Variants in BNC2 observed in about 807,000 individuals in gnomAD.
The protein encoded by BNC2 is zinc finger protein basonuclin-2.
A neutral mutation model predicts 76.3 loss-of-function variants in BNC2; 20 were observed. The observed-to-expected ratio is 0.26, with a 90% confidence interval of 0.18 to 0.38. BNC2 has a LOEUF of 0.38. Among genes scored for constraint, BNC2 ranks in the 10% least tolerant of loss-of-function variants. BNC2 has a pLI of 1.00. For missense variants in BNC2, 1,382 were observed against 1,399.8 expected (o/e 0.99, Z 0.20); for synonymous variants, 582 against 514.8 (o/e 1.13, Z -1.77).
At chr9:16,691,265 C>T (rs7860105) in intron 3 of BNC2, among the ~76,000 whole-genome samples, 139,722 of 152,184 alleles carry the variant, frequency 0.92, 64,226 homozygotes, top group Non-Finnish European at 0.95. Context: ...ACTCCTTTTA[C>T]TTCTAAATGA....
chr9:16,684,071 A>C (rs1279171363), intron 3 of BNC2, among the ~76,000 whole-genome samples: 1 of 152,108 alleles, frequency 6.6e-6, no homozygotes, highest in Non-Finnish European at 1.5e-5. Flanking sequence ...TAGTATGTCA[A>C]TGTACTCAAT....
At chr9:16,813,409 G>C (rs1171975370) in intron 1 of BNC2, among the ~76,000 whole-genome samples, 1 of 151,424 alleles carries the variant, frequency 6.6e-6, no homozygotes, top group Admixed American at 6.6e-5. Context: ...GGGACTACAG[G>C]CGCCCGCCAC....
chr9:16,669,826 TAAG>T (rs1438052670), intron 3 of BNC2, among the ~76,000 whole-genome samples: 1 of 152,164 alleles, frequency 6.6e-6, no homozygotes, highest in Non-Finnish European at 1.5e-5. Context: ...CATCCACTTA[TAAG>T]AAGCAAAAAC....
At chr9:16,775,665 G>T (rs1825945547) in intron 1 of BNC2, 1 of 207,722 alleles carries the variant, frequency 4.8e-6, no homozygotes. Flanking sequence ...AGCCTGGTCT[G>T]CTGGTCCACG....
At chr9:16,815,414 G>A (rs1047654346) in intron 1 of BNC2, among the ~76,000 whole-genome samples, 5 of 152,332 alleles carry the variant, frequency 3.3e-5, no homozygotes, top group Middle Eastern at 3.4e-3. Flanking sequence ...ATTAGATATG[G>A]AATGTTTGTA....
In BNC2 at chr9:16,682,854, C is replaced by T. The variant is rs554652198; in HGVS notation, c.330+44943G>A. Among the ~76,000 whole-genome samples, 6 of 152,284 alleles carry T rather than the reference C, an allele frequency of 3.9e-5. No homozygotes were observed. The South Asian group carries it at 8.3e-4, about 21-fold the overall frequency. ...CAACTTAATACATGATGAGGCACAA[C>T]TGAACTAACAAAGTAACTTTTCTCT... On this transcript the variant is annotated intron_variant, in intron 3 of 6. Coordinates refer to ENST00000380672, the MANE Select transcript of BNC2 (RefSeq NM_017637.6).
At chr9:16,445,621 A>C (rs1821216321) in intron 5 of BNC2, among the ~76,000 whole-genome samples, 1 of 152,184 alleles carries the variant, frequency 6.6e-6, no homozygotes, top group African/African-American at 2.4e-5. Flanking sequence ...ATGCTGACCA[A>C]TCACATCCCT....
rs144511624 is a variant in BNC2 at position 16,526,467 on chromosome 9, C to CTTTTTTTT, written c.669+26055_669+26062dup. Among the ~76,000 whole-genome samples the CTTTTTTTT allele has an allele frequency of 8.4e-4, 41 of 48,824 alleles. 2 individuals carry two copies. The highest frequency in any genetic ancestry group is 1.3e-3 in the East Asian group (2 of 1,530). 32.0% of individuals were successfully genotyped at this position (48,824 alleles called of 152,430 possible). On this transcript the variant is annotated intron_variant, in intron 5 of 6. Coordinates refer to ENST00000380672, the MANE Select transcript of BNC2 (RefSeq NM_017637.6). ...GATTACTTCCCAACATAGTTTAATGCTTTTTTTTTTTTTTTTTTTTTTTTT... is the reference window on the plus strand; with the variant it reads ...GATTACTTCCCAACATAGTTTAATGCTTTTTTTTTTTTTTTTTTTTTTTTTTTTTTTTT...
intron 5 of BNC2, among the ~76,000 whole-genome samples, chr9:16,472,630 A>G (rs191962849): frequency 3.9e-5 from 6 of 152,320 alleles, no homozygotes; most frequent in Admixed American, 1.3e-4. Context: ...AAATCCAAGA[A>G]TGGTCCACTT....
At chr9:16,520,549 T>A (rs775240017) in intron 5 of BNC2, among the ~76,000 whole-genome samples, 9 of 152,130 alleles carry the variant, frequency 5.9e-5, no homozygotes, top group Non-Finnish European at 1.3e-4. Flanking sequence ...GTTTAGACAA[T>A]GATAGCATAG....
At chr9:16,499,459 T>A (rs1822471470) in intron 5 of BNC2, among the ~76,000 whole-genome samples, 1 of 151,902 alleles carries the variant, frequency 6.6e-6, no homozygotes, top group Admixed American at 6.6e-5. Context: ...CTGGTGTATC[T>A]CAAGCCCATC....
chr9:16,458,019 G>A (rs922687503), intron 5 of BNC2, among the ~76,000 whole-genome samples: 1 of 152,168 alleles, frequency 6.6e-6, no homozygotes, highest in Non-Finnish European at 1.5e-5. Context: ...GTAGGTGGGA[G>A]AAAGAGGTAG....
chr9:16,544,540 G>A (rs1235159137), intron 5 of BNC2, among the ~76,000 whole-genome samples: 2 of 152,028 alleles, frequency 1.3e-5, no homozygotes, highest in Non-Finnish European at 2.9e-5. Flanking sequence ...TTACTTGGCC[G>A]GGTGCAGTGG....
At chr9:16,694,470 T>G (rs2134463680) in intron 3 of BNC2, among the ~76,000 whole-genome samples, 1 of 152,296 alleles carries the variant, frequency 6.6e-6, no homozygotes, top group East Asian at 1.9e-4. Context: ...TACTCTGGAC[T>G]AGCACCTTGG....
chr9:16,610,205 A>G (rs1820505126), intron 3 of BNC2, among the ~76,000 whole-genome samples: 2 of 152,164 alleles, frequency 1.3e-5, no homozygotes, highest in South Asian at 2.1e-4. Context: ...AATGTACCTA[A>G]TAACGCAACT....
rs187701423 is a variant in BNC2, at chr9:16,658,337, A to G, written c.330+69460T>C. On this transcript the variant is annotated intron_variant, in intron 3 of 6. Coordinates refer to ENST00000380672, the MANE Select transcript of BNC2 (RefSeq NM_017637.6). The stretch of plus-strand genomic sequence containing the variant: ...GGGGAGTACTGTAAGGGAGAGGGGG[A>G]AAAAAGAAAACAAAACTTTAAACAG... Among the ~76,000 whole-genome samples the G allele has an allele frequency of 9.2e-5, 14 of 152,220 alleles. No homozygotes were observed. The East Asian group carries it at 2.5e-3, about 27-fold the overall frequency.
intron 1 of BNC2, among the ~76,000 whole-genome samples, chr9:16,796,487 G>C (rs1817651027): frequency 6.6e-6 from 1 of 151,906 alleles, no homozygotes; most frequent in African/African-American, 2.4e-5. Flanking sequence ...CAGGAGAATG[G>C]TGTGAACCCA....
chr9:16,446,111 TAAAGG>T (rs1821225909), intron 5 of BNC2, among the ~76,000 whole-genome samples: 1 of 152,158 alleles, frequency 6.6e-6, no homozygotes, highest in African/African-American at 2.4e-5. Flanking sequence ...ATTGATACTT[TAAAGG>T]AGTTACTCAT....
intron 4 of BNC2, among the ~76,000 whole-genome samples, chr9:16,552,977 G>A (rs1339868184): frequency 6.6e-6 from 1 of 151,792 alleles, no homozygotes; most frequent in Non-Finnish European, 1.5e-5. Context: ...TTTTTTAATT[G>A]GATGTGTTTA....
Sources: allele counts gnomAD v4.1 joint callset (sites outside exome capture counted in the v4.1 genomes callset), GRCh38; gene constraint gnomAD v4.1.1; transcripts MANE v1.5; gene names NCBI Gene and HGNC (gene_info 2026-07-23, HGNC 2026-07-21).